ANO2: variants seen among roughly 807,000 people sequenced by gnomAD.
ANO2 encodes anoctamin-2.
In ANO2, 101 loss-of-function variants were observed where a neutral mutation model predicts 124.2. The observed-to-expected ratio is 0.81, with a 90% CI of 0.69 to 0.96. The LOEUF (loss-of-function observed/expected upper bound fraction) is 0.96, where lower values mean the gene tolerates loss of function less well. Ranked by LOEUF, ANO2 falls within the 40% of genes least tolerant of loss-of-function variation. The pLI is 0.00. For missense variants in ANO2, 1,293 were observed against 1,274.5 expected (o/e 1.01, Z -0.22); for synonymous variants, 486 against 482.5 (o/e 1.01, Z -0.09).
At chr12:5,646,318 C>T (rs1005350018) in intron 15 of ANO2, among the ~76,000 whole-genome samples, 2 of 152,046 alleles carry the variant, frequency 1.3e-5, no homozygotes, top group South Asian at 2.1e-4. Flanking sequence ...GTCAGCCCTT[C>T]GAGGCTTTGA....
chr12:5,626,172 G>A (rs932484813), intron 16 of ANO2, among the ~76,000 whole-genome samples: 6 of 152,082 alleles, frequency 3.9e-5, no homozygotes, highest in Admixed American at 6.5e-5. Context: ...TAGGAATCTC[G>A]CTGAGGGCCA....
chr12:5,734,249 G>T (rs553237181), intron 13 of ANO2, among the ~76,000 whole-genome samples: 3 of 152,208 alleles, frequency 2.0e-5, no homozygotes, highest in Admixed American at 1.3e-4. Context: ...ATCATTTCCC[G>T]CAGAGCAACT....
chr12:5,793,782 T>C (rs532057961), intron 10 of ANO2, among the ~76,000 whole-genome samples: 98 of 152,340 alleles, frequency 6.4e-4, no homozygotes, highest in African/African-American at 2.3e-3. Flanking sequence ...ACACAGTCAT[T>C]AGCTGCTACC....
At chr12:5,763,719 T>G (rs963611215) in intron 10 of ANO2, among the ~76,000 whole-genome samples, 3 of 152,046 alleles carry the variant, frequency 2.0e-5, no homozygotes. Context: ...AGAGAGATAT[T>G]TGTAGTATTA....
At chr12:5,803,885 T>TGCCTA (rs1180243795) in intron 9 of ANO2, among the ~76,000 whole-genome samples, 1 of 152,154 alleles carries the variant, frequency 6.6e-6, no homozygotes, top group African/African-American at 2.4e-5. Context: ...CCTCTTGGCT[T>TGCCTA]GCCTAGAATC....
chr12:5,886,033 G>A (rs1415746107), intron 3 of ANO2, among the ~76,000 whole-genome samples: 2 of 152,190 alleles, frequency 1.3e-5, no homozygotes, highest in African/African-American at 4.8e-5. Flanking sequence ...TCCGAATAGA[G>A]TCCTGGCCTG....
At chr12:5,729,134 T>G (rs1390446296) in intron 14 of ANO2, among the ~76,000 whole-genome samples, 2 of 152,158 alleles carry the variant, frequency 1.3e-5, no homozygotes, top group Non-Finnish European at 2.9e-5. Flanking sequence ...AATTGAACTA[T>G]TTCAAAATTC....
At chr12:5,788,793 AG>A (rs1455015891) in intron 10 of ANO2, among the ~76,000 whole-genome samples, 31 of 152,308 alleles carry the variant, frequency 2.0e-4, no homozygotes, top group Admixed American at 1.8e-3. Context: ...TCCTGACCTC[AG>A]GTGATCCGCC....
chr12:5,808,538 G>A (rs932691151), intron 7 of ANO2, among the ~76,000 whole-genome samples: 1 of 152,002 alleles, frequency 6.6e-6, no homozygotes, highest in Non-Finnish European at 1.5e-5. Flanking sequence ...GGAGGAGAGG[G>A]GGAATTTCTG....
intron 10 of ANO2, among the ~76,000 whole-genome samples, chr12:5,773,985 G>A (rs1294533504): frequency 6.6e-6 from 1 of 152,176 alleles, no homozygotes; most frequent in African/African-American, 2.4e-5. Context: ...AAACTCCAAA[G>A]CAGAGGATTC....
chr12:5,879,900 C>T (rs948732042), intron 3 of ANO2, among the ~76,000 whole-genome samples: 8 of 152,194 alleles, frequency 5.3e-5, no homozygotes, highest in African/African-American at 1.9e-4. Flanking sequence ...GAGGAAATGG[C>T]TTAATCAGAT....
chr12:5,615,740 C>T (rs1194976295), intron 16 of ANO2, among the ~76,000 whole-genome samples: 1 of 152,084 alleles, frequency 6.6e-6, no homozygotes, highest in Non-Finnish European at 1.5e-5. Context: ...ACAAGGGTAC[C>T]ATGACTTGAT....
intron 4 of ANO2, among the ~76,000 whole-genome samples, chr12:5,845,231 C>T (rs1954645563): frequency 6.6e-6 from 1 of 151,762 alleles, no homozygotes; most frequent in South Asian, 2.1e-4. Context: ...TACCACTGCA[C>T]TCCAGCCTGG....
At chr12:5,607,461 ATAAC>A (rs1944277824) in intron 19 of ANO2, among the ~76,000 whole-genome samples, 1 of 151,976 alleles carries the variant, frequency 6.6e-6, no homozygotes, top group Non-Finnish European at 1.5e-5. Context: ...TATTTCTAGA[ATAAC>A]TTTGCCAAGG....
intron 7 of ANO2, among the ~76,000 whole-genome samples, chr12:5,810,328 T>C (rs1391728429): frequency 1.3e-5 from 2 of 152,132 alleles, no homozygotes; most frequent in Non-Finnish European, 2.9e-5. Context: ...GAAACCAAGA[T>C]TCTACCCCCA....
intron 3 of ANO2, among the ~76,000 whole-genome samples, chr12:5,892,586 A>T (rs1260374421): frequency 6.6e-6 from 1 of 152,224 alleles, no homozygotes; most frequent in Non-Finnish European, 1.5e-5. Context: ...ATGACCACAG[A>T]TTTCTCATGA....
chr12:5,885,129 C>G (rs1938795648), intron 3 of ANO2, among the ~76,000 whole-genome samples: 1 of 152,214 alleles, frequency 6.6e-6, no homozygotes, highest in African/African-American at 2.4e-5. Context: ...CCCTGGCTGC[C>G]TGGAAGCTAT....
In ANO2 at chr12:5,739,333, C is replaced by T; in HGVS notation, c.1418G>A (p.Gly473Asp). The change falls in exon 13 of 25, where the codon GGC becomes GAC. Residue 473 changes from glycine (G) to aspartate (D), a missense_variant. Gly to Asp is a moderately conservative substitution (Grantham distance 94, BLOSUM62 -1). Transcript: ENST00000682330. ...AGAACTCACTTCTTCCTCTTCTATG[C>T]CAGTCAGGTCCCAAAAGTAGCCCAG... ...MRLGYFWDLT[G>D]IEEEEEHSRP... The T allele has an allele frequency of 2.5e-6, 4 of 1,604,794 alleles. No homozygotes were observed. The highest frequency in any genetic ancestry group is 1.7e-4 in the Middle Eastern group (1 of 6,050).
chr12:5,639,555 A>G (rs1946224562), intron 15 of ANO2, among the ~76,000 whole-genome samples: 1 of 152,208 alleles, frequency 6.6e-6, no homozygotes, highest in East Asian at 1.9e-4. Flanking sequence ...TGCAATTTAA[A>G]ATAGGGTGGT....
Sources: gnomAD v4.1 joint callset for allele counts (sites outside exome capture counted in the v4.1 genomes callset) on GRCh38, gnomAD v4.1.1 for gene constraint, MANE v1.5 for transcripts, NCBI Gene and HGNC (gene_info 2026-07-23, HGNC 2026-07-21) for gene names.